Variants in PRSS55 observed in about 807,000 individuals in gnomAD.
PRSS55 encodes the protein probable serine protease UNQ9391/PRO34284.
Under a neutral mutation model 23.6 loss-of-function variants are expected in PRSS55, and 41 were observed. That is an observed-to-expected ratio of 1.74 (90% confidence interval 1.35 to 2.26). PRSS55 has a LOEUF of 2.26. Among genes scored for constraint, PRSS55 ranks in the 30% most tolerant of loss-of-function variants. PRSS55 has a pLI of 0.00. For missense variants in PRSS55, 669 were observed against 439.1 expected (o/e 1.52, Z -4.68); for synonymous variants, 262 against 175.5 (o/e 1.49, Z -3.90).
rs770515747 is a variant in PRSS55 at position 10,529,375 on chromosome 8, G to C, written c.155-132G>C. 1.9e-5 allele frequency: 17 copies of C among 918,594 alleles called. No homozygotes were observed. In the East Asian group the frequency reaches 3.7e-4, roughly 20 times the overall value. 56.9% of individuals were successfully genotyped at this position (918,594 alleles called of 1,614,324 possible). ...AGGGCTGCCCCGCTCGGCAGCCTCA[G>C]TGAGCTCCTCTCTAGAATGGGGATG... On this transcript the variant is annotated intron_variant, in intron 1 of 4. Transcript: ENST00000328655.
At chr8:10,543,422 T>TTTA (rs1812717251), downstream of PRSS55, among the ~76,000 whole-genome samples, 1 of 33,090 alleles carries the variant, frequency 3.0e-5, no homozygotes, top group Non-Finnish European at 8.7e-5. Flanking sequence ...TCTTCTTTCT[T>TTTA]TCTTCCTTCC....
chr8:10,526,814 C>G (rs1215451423), intron 1 of PRSS55, among the ~76,000 whole-genome samples: 3 of 152,230 alleles, frequency 2.0e-5, no homozygotes, highest in African/African-American at 7.2e-5. Context: ...ACACATCAGT[C>G]TTATAAAGTT....
chr8:10,537,771 G>T (rs1812506568), intron 4 of PRSS55, among the ~76,000 whole-genome samples: 1 of 152,138 alleles, frequency 6.6e-6, no homozygotes, highest in Admixed American at 6.5e-5. Context: ...AGAAAATCCT[G>T]GGTTCCAATC....
chr8:10,550,794 G>C (rs1376021081), intron 4 of PRSS55, among the ~76,000 whole-genome samples: 2 of 152,256 alleles, frequency 1.3e-5, no homozygotes, highest in Non-Finnish European at 2.9e-5. Flanking sequence ...ACATGCAAAA[G>C]ACATGGCAGG....
rs1337006518 is a variant in PRSS55 at position 10,538,430 on chromosome 8, C to T, written c.742-46C>T. ...TGAGCTGTGCCCAGCCTCAGATGGG[C>T]AGCTTAGAACCGGACTCCCTGCTGA... On this transcript the variant is annotated intron_variant, in intron 4 of 4. Transcript: ENST00000328655. 2.1e-6 allele frequency: 3 copies of T among 1,443,196 alleles called. No homozygotes were observed. In the South Asian group the frequency reaches 3.8e-5, roughly 18 times the overall value. 89.4% of individuals were successfully genotyped at this position (1,443,196 alleles called of 1,614,324 possible).
rs1156428231 is a variant in PRSS55 at position 10,529,584 on chromosome 8, G to C, written c.232G>C (p.Glu78Gln). The C allele has an allele frequency of 6.2e-7, 1 of 1,614,234 alleles. No individual in the cohort carries two copies. Among genetic ancestry groups the C allele is most frequent in the South Asian group, 1.1e-5 (1 of 91,086 alleles). The change falls in exon 2 of 5, where the codon GAG becomes CAG. Residue 78 changes from glutamate (E) to glutamine (Q), a missense_variant. By Grantham distance (29) the Glu-to-Gln change is conservative. Coordinates refer to ENST00000328655, the MANE Select transcript of PRSS55 (RefSeq NM_198464.4). The stretch of plus-strand genomic sequence containing the variant: ...AGGGGGGATGGAGGCGGAGGTGGGT[G>C]AGTTTCCGTGGCAGGTGAGTATTCA... ...ITGGMEAEVG[E>Q]FPWQVSIQAR...
At chr8:10,539,472 T>C (rs1474412540), downstream of PRSS55, among the ~76,000 whole-genome samples, 1 of 152,254 alleles carries the variant, frequency 6.6e-6, no homozygotes, top group Non-Finnish European at 1.5e-5. Flanking sequence ...AACAGCTTAC[T>C]GTAACCCTTC....
At chr8:10,530,522 A>G (rs11780436) in intron 2 of PRSS55, among the ~76,000 whole-genome samples, 14,500 of 152,196 alleles carry the variant, frequency 0.095, 1,004 homozygotes, top group African/African-American at 0.19. Context: ...TTAATCACAC[A>G]GTGACCCCTG....
intron 4 of PRSS55, among the ~76,000 whole-genome samples, chr8:10,533,349 G>A (rs1348181455): frequency 6.6e-6 from 1 of 152,174 alleles, no homozygotes; most frequent in Non-Finnish European, 1.5e-5. Flanking sequence ...AAAATCCAAG[G>A]AGGATTTGGT....
chr8:10,534,635 C>A (rs1485854256), intron 4 of PRSS55, among the ~76,000 whole-genome samples: 1 of 152,182 alleles, frequency 6.6e-6, no homozygotes, highest in Admixed American at 6.5e-5. Context: ...AAGCTGGAAG[C>A]CTCCCTCTCA....
At chr8:10,532,871 A>G (rs1461542855) in intron 3 of PRSS55, 35 bp from the exon 4 acceptor site, 3 of 1,613,478 alleles carry the variant, frequency 1.9e-6, no homozygotes, top group Admixed American at 1.7e-5. Flanking sequence ...CATGAGGCCC[A>G]GTGGCTTCTC....
At chr8:10,530,703 C>T (rs963407671) in intron 2 of PRSS55, among the ~76,000 whole-genome samples, 3 of 152,112 alleles carry the variant, frequency 2.0e-5, no homozygotes, top group Admixed American at 6.6e-5. Context: ...GACACACACA[C>T]TGATTTTAGA....
intron 4 of PRSS55, among the ~76,000 whole-genome samples, chr8:10,551,991 C>T (rs1004786291): frequency 2.6e-5 from 4 of 152,202 alleles, no homozygotes; most frequent in African/African-American, 7.2e-5. Flanking sequence ...ACAGAGCAGC[C>T]GGGTGTGGAG....
At chr8:10,542,873 CAAAAAAA>C (rs57410579), downstream of PRSS55, among the ~76,000 whole-genome samples, 3 of 81,024 alleles carry the variant, frequency 3.7e-5, no homozygotes, top group African/African-American at 4.8e-5. Flanking sequence ...AACTTTGTCT[CAAAAAAA>C]AAAAAAAAAA....
At chr8:10,528,469 A>C (rs898629379) in intron 1 of PRSS55, among the ~76,000 whole-genome samples, 2 of 152,236 alleles carry the variant, frequency 1.3e-5, no homozygotes, top group Non-Finnish European at 2.9e-5. Context: ...CAGTCAAGTC[A>C]GCAAATATTC....
intron 4 of PRSS55, among the ~76,000 whole-genome samples, chr8:10,549,709 G>A (rs1447874231): frequency 6.6e-6 from 1 of 152,180 alleles, no homozygotes; most frequent in Non-Finnish European, 1.5e-5. Flanking sequence ...CTTTTCAGCT[G>A]TGTCTCTCCC....
chr8:10,527,282 G>A (rs982228171), intron 1 of PRSS55, among the ~76,000 whole-genome samples: 6 of 152,302 alleles, frequency 3.9e-5, no homozygotes, highest in Admixed American at 3.9e-4. Context: ...TTTTCAATTT[G>A]TCATGATGAT....
At chr8:10,526,967 A>C (rs571549960) in intron 1 of PRSS55, among the ~76,000 whole-genome samples, 37 of 152,344 alleles carry the variant, frequency 2.4e-4, no homozygotes, top group African/African-American at 8.7e-4. Context: ...TACCCTGAGC[A>C]CGTGCCATGT....
At chr8:10,543,486 T>G (rs1407356186), downstream of PRSS55, among the ~76,000 whole-genome samples, 2 of 142,770 alleles carry the variant, frequency 1.4e-5, no homozygotes, top group African/African-American at 2.6e-5. Context: ...CTCTCTTTTT[T>G]TTTTTTTTCC....
Sources: gnomAD v4.1 joint callset for allele counts (sites outside exome capture counted in the v4.1 genomes callset) on GRCh38, gnomAD v4.1.1 for gene constraint, MANE v1.5 for transcripts, NCBI Gene and HGNC (gene_info 2026-07-23, HGNC 2026-07-21) for gene names.